The following STPG4 variants were observed in gnomAD, a reference collection of about 807,000 sequenced individuals.
STPG4 encodes protein STPG4.
In STPG4, 41 loss-of-function variants were observed where a neutral mutation model predicts 31.5. That is an observed-to-expected ratio of 1.30 (90% CI 1.01 to 1.69). The LOEUF (loss-of-function observed/expected upper bound fraction) is 1.69, where lower values mean the gene tolerates loss of function less well. Ranked by LOEUF, STPG4 falls within the 40% of genes most tolerant of loss-of-function variation. The pLI is 0.00. For missense variants in STPG4, 375 were observed against 293.4 expected, an observed-to-expected ratio of 1.28 and a Z score of -2.03; for synonymous variants, 141 against 103.0, an observed-to-expected ratio of 1.37 and a Z score of -2.24.
intron 5 of STPG4, among the ~76,000 whole-genome samples, chr2:47,127,724 C>T (rs1290226730): frequency 1.3e-5 from 2 of 152,074 alleles, no homozygotes; most frequent in Non-Finnish European, 2.9e-5. Context: ...TGATAGAATT[C>T]TGAATTCATT....
At chr2:47,112,231 A>T (rs1347261971) in intron 5 of STPG4, among the ~76,000 whole-genome samples, 1 of 152,052 alleles carries the variant, frequency 6.6e-6, no homozygotes, top group Non-Finnish European at 1.5e-5. Flanking sequence ...CAGTGGCATG[A>T]TCTCCGCTCA....
intron 5 of STPG4, among the ~76,000 whole-genome samples, chr2:47,109,660 G>A (rs141617471): frequency 6.6e-6 from 1 of 151,886 alleles, no homozygotes. Context: ...TGAGGAGGTT[G>A]AGACTGGGAC....
chr2:47,117,844 A>G (rs533081657), intron 5 of STPG4, among the ~76,000 whole-genome samples: 73 of 152,300 alleles, frequency 4.8e-4, no homozygotes, highest in African/African-American at 1.5e-3. Context: ...AAAGGGGTCA[A>G]GTGGGGAAAC....
intron 1 of STPG4, 81 bp downstream of exon 1, chr2:47,155,090 G>T: frequency 2.2e-6 from 3 of 1,367,752 alleles, no homozygotes; most frequent in African/African-American, 1.4e-5. Context: ...CGAAGGCCTG[G>T]GATTAGAGAG....
intron 5 of STPG4, among the ~76,000 whole-genome samples, chr2:47,095,630 A>T (rs950163730): frequency 1.3e-5 from 2 of 152,198 alleles, no homozygotes; most frequent in African/African-American, 4.8e-5. Flanking sequence ...TATTCAGCCA[A>T]TATACATTGT....
At chr2:47,150,993 G>A (rs551972709) in intron 3 of STPG4, among the ~76,000 whole-genome samples, 3 of 152,012 alleles carry the variant, frequency 2.0e-5, no homozygotes, top group Non-Finnish European at 4.4e-5. Flanking sequence ...GTGCTCTCCA[G>A]GCTAGGGGAA....
Position 47,155,171 on chromosome 2 carries a change from C to T in STPG4, c.81G>A (p.Ser27=). 2 of 1,613,940 alleles carry T rather than the reference C, an allele frequency of 1.2e-6. No individual in the cohort carries two copies. Among genetic ancestry groups the T allele is most frequent in the African/African-American group, 1.3e-5 (1 of 74,992 alleles). The change falls in exon 1 of 7, where the codon TCG becomes TCA. Residue 27 remains serine (S), a splice_region_variant and synonymous_variant. Coordinates refer to ENST00000445927, the MANE Select transcript of STPG4 (RefSeq NM_001163561.2). ...LVGGESFITA[S]KPAQKTSSFE... ...GCCGGCAAGGGGCAGGCCATCTTAC[C>T]GAAGCTGTGATGAATGATTCTCCAC...
chr2:47,132,724 T>C (rs1329840780), intron 3 of STPG4, among the ~76,000 whole-genome samples: 6 of 152,220 alleles, frequency 3.9e-5, no homozygotes, highest in African/African-American at 1.4e-4. Flanking sequence ...ACGTGGATGT[T>C]TGCTTTCTGT....
At position 47,099,850 on chromosome 2, in the gene STPG4, C is replaced by T. The variant is rs534319913; in HGVS notation, c.520-9476G>A. ...AGCAGCTGGTGGGCCCTGCTGGCCC[C>T]GGGCAATGAGGGGCTTAGCACCCAG... On this transcript the variant is annotated intron_variant, in intron 5 of 6. Coordinates refer to ENST00000445927, the MANE Select transcript of STPG4 (RefSeq NM_001163561.2). Among the ~76,000 whole-genome samples, 10 of 152,330 alleles carry T rather than the reference C, an allele frequency of 6.6e-5. No homozygotes were observed. In the South Asian group the frequency reaches 1.0e-3, roughly 16 times the overall value.
rs181822743 is a variant in STPG4 at position 47,133,507 on chromosome 2, C to T, written c.400-3247G>A. ...AGGCTTAGAGAATCTAGGCAAGATG[C>T]CAGTAAAAATATCTGATTCTCACTA... On this transcript the variant is annotated intron_variant, in intron 3 of 6. Coordinates refer to ENST00000445927, the MANE Select transcript of STPG4 (RefSeq NM_001163561.2). Among the ~76,000 whole-genome samples, 61 of 145,290 alleles carry T rather than the reference C, an allele frequency of 4.2e-4. No individual in the cohort carries two copies. The East Asian group carries it at 0.012, about 28-fold the overall frequency.
intron 5 of STPG4, among the ~76,000 whole-genome samples, chr2:47,117,703 G>A (rs752736601): frequency 6.6e-6 from 1 of 152,210 alleles, no homozygotes; most frequent in Non-Finnish European, 1.5e-5. Flanking sequence ...AGCACAAAGA[G>A]AGCATTGATA....
chr2:47,128,102 A>G (rs754830445), intron 5 of STPG4, among the ~76,000 whole-genome samples: 72 of 152,162 alleles, frequency 4.7e-4, no homozygotes, highest in Admixed American at 2.2e-3. Context: ...AGACTTGTAG[A>G]GGTAATGCCT....
At chr2:47,129,750 G>C (rs1686435712) in intron 5 of STPG4, 191 bp downstream of exon 5, 2 of 612,326 alleles carry the variant, frequency 3.3e-6, no homozygotes, top group African/African-American at 3.7e-5. Flanking sequence ...ACCTGGTATT[G>C]CGATCCCACA....
intron 5 of STPG4, among the ~76,000 whole-genome samples, chr2:47,103,663 C>G (rs1294955860): frequency 6.6e-6 from 1 of 151,890 alleles, no homozygotes; most frequent in Non-Finnish European, 1.5e-5. Context: ...ACAAACTGCC[C>G]CCTCGTCCAT....
intron 3 of STPG4, among the ~76,000 whole-genome samples, chr2:47,148,141 G>C (rs1686863925): frequency 6.6e-6 from 1 of 152,004 alleles, no homozygotes; most frequent in Non-Finnish European, 1.5e-5. Context: ...TCTTATAGTA[G>C]AGATGGGGTT....
At chr2:47,154,405 A>G (rs1686989425) in intron 1 of STPG4, among the ~76,000 whole-genome samples, 1 of 152,172 alleles carries the variant, frequency 6.6e-6, no homozygotes, top group South Asian at 2.1e-4. Flanking sequence ...ATGAGATGGG[A>G]AGGAGAGAGA....
At chr2:47,105,231 G>A (rs6719888) in intron 5 of STPG4, among the ~76,000 whole-genome samples, 131,007 of 151,882 alleles carry the variant, frequency 0.86, 56,780 homozygotes, top group South Asian at 0.94. Flanking sequence ...CCCCACAACC[G>A]GTGGCATACC....
chr2:47,114,561 A>G (rs1486118831), intron 5 of STPG4, among the ~76,000 whole-genome samples: 1 of 152,266 alleles, frequency 6.6e-6, no homozygotes, highest in African/African-American at 2.4e-5. Flanking sequence ...TTATCACAGC[A>G]TTTGTTTTTT....
intron 6 of STPG4, among the ~76,000 whole-genome samples, chr2:47,088,764 G>C (rs372244483): frequency 6.6e-6 from 1 of 152,214 alleles, no homozygotes; most frequent in East Asian, 1.9e-4. Flanking sequence ...TAAATGACAG[G>C]ATGTTTCCCT....
Sources: gnomAD v4.1 joint callset for allele counts (sites outside exome capture counted in the v4.1 genomes callset) on GRCh38, gnomAD v4.1.1 for gene constraint, MANE v1.5 for transcripts, NCBI Gene and HGNC (gene_info 2026-07-23, HGNC 2026-07-21) for gene names.